The following TMEM132C variants were observed in gnomAD, a reference collection of about 807,000 sequenced individuals.
TMEM132C encodes the protein protein phosphatase 1, regulatory subunit 152.
TMEM132C carries 29 observed loss-of-function variants against 61.4 expected under a neutral mutation model. That is an observed-to-expected ratio of 0.47 (90% CI 0.35 to 0.64). The LOEUF (loss-of-function observed/expected upper bound fraction) is 0.64. TMEM132C is among the 30% of genes least tolerant of loss of function. TMEM132C has a pLI of 0.00. For missense variants in TMEM132C, 1,408 were observed against 1,476.9 expected, an observed-to-expected ratio of 0.95 and a Z score of 0.76; for synonymous variants, 656 against 633.1, an observed-to-expected ratio of 1.04 and a Z score of -0.54.
chr12:128,327,683 G>T (rs982943323), intron 1 of TMEM132C, among the ~76,000 whole-genome samples: 2 of 152,094 alleles, frequency 1.3e-5, no homozygotes, highest in African/African-American at 4.8e-5. Flanking sequence ...GCGCCCGGCT[G>T]CAGCTTGGTT....
At chr12:128,494,292 G>A (rs1341562060) in intron 2 of TMEM132C, among the ~76,000 whole-genome samples, 1 of 152,168 alleles carries the variant, frequency 6.6e-6, no homozygotes, top group African/African-American at 2.4e-5. Flanking sequence ...GTTCATCAGG[G>A]ATATTGGTCT....
chr12:128,621,139 GC>G (rs1482324164), intron 4 of TMEM132C, among the ~76,000 whole-genome samples: 1 of 152,030 alleles, frequency 6.6e-6, no homozygotes, highest in East Asian at 2.0e-4. Context: ...GTGAACTACA[GC>G]CCCCAGGCTC....
At position 128,374,480 on chromosome 12, in the gene TMEM132C, A is replaced by G. The variant is rs1011819245; in HGVS notation, c.86-40252A>G. On this transcript the variant is annotated intron_variant, in intron 1 of 8. Transcript: ENST00000435159. ...TGAGCACTCTGCAGAGGGGTGTGGG[A>G]AGGAGAGCCAGCACCTGCCATTTGC... Among the ~76,000 whole-genome samples the G allele has an allele frequency of 2.6e-5, 4 of 152,206 alleles. No individual in the cohort carries two copies. The South Asian group carries it at 8.3e-4, about 32-fold the overall frequency.
At chr12:128,662,207 G>T (rs1468537813) in intron 4 of TMEM132C, among the ~76,000 whole-genome samples, 1 of 152,114 alleles carries the variant, frequency 6.6e-6, no homozygotes, top group African/African-American at 2.4e-5. Context: ...CCCCTGCACA[G>T]CCCCAATTTT....
intron 1 of TMEM132C, among the ~76,000 whole-genome samples, chr12:128,358,009 A>C (rs1378508120): frequency 6.6e-6 from 1 of 152,060 alleles, no homozygotes; most frequent in Non-Finnish European, 1.5e-5. Flanking sequence ...TTGTGTCGGC[A>C]TCATTGTTCC....
intron 2 of TMEM132C, among the ~76,000 whole-genome samples, chr12:128,543,561 C>A (rs993799148): frequency 2.4e-4 from 37 of 152,112 alleles, no homozygotes; most frequent in African/African-American, 7.7e-4. Context: ...ACAACACCCC[C>A]CACACACACA....
intron 1 of TMEM132C, among the ~76,000 whole-genome samples, chr12:128,398,435 C>A (rs552242293): frequency 6.6e-6 from 1 of 152,178 alleles, no homozygotes; most frequent in Admixed American, 6.5e-5. Flanking sequence ...AAGGGTGAAC[C>A]TTTGTAGTTC....
intron 1 of TMEM132C, among the ~76,000 whole-genome samples, chr12:128,293,082 G>T (rs997253006): frequency 2.0e-5 from 3 of 151,930 alleles, no homozygotes; most frequent in Admixed American, 6.6e-5. Flanking sequence ...TTTTGTGAAC[G>T]GTAAGGAGTG....
chr12:128,379,939 C>T (rs1189597957), intron 1 of TMEM132C, among the ~76,000 whole-genome samples: 3 of 152,122 alleles, frequency 2.0e-5, no homozygotes, highest in Non-Finnish European at 4.4e-5. Flanking sequence ...GGGGATAGTC[C>T]GTGAGTATGG....
intron 3 of TMEM132C, 29 bp from the exon 4 acceptor site, chr12:128,616,123 T>C: frequency 6.5e-7 from 1 of 1,546,498 alleles, no homozygotes; most frequent in Non-Finnish European, 8.7e-7. Context: ...CAAAGTTGGC[T>C]TAAAGCCAGT....
chr12:128,304,480 G>A (rs911148631), intron 1 of TMEM132C, among the ~76,000 whole-genome samples: 1 of 152,034 alleles, frequency 6.6e-6, no homozygotes, highest in African/African-American at 2.4e-5. Flanking sequence ...ATGGTGGCGG[G>A]CACCTGTAAT....
At chr12:128,490,067 T>A (rs532440329) in intron 2 of TMEM132C, among the ~76,000 whole-genome samples, 1 of 152,246 alleles carries the variant, frequency 6.6e-6, no homozygotes, top group Admixed American at 6.5e-5. Flanking sequence ...CCAACTGAAT[T>A]CCAATTGAAG....
intron 3 of TMEM132C, among the ~76,000 whole-genome samples, chr12:128,555,987 G>T (rs1408470451): frequency 1.3e-5 from 2 of 152,194 alleles, no homozygotes; most frequent in African/African-American, 4.8e-5. Context: ...AAAGTGCTGA[G>T]GTTACAGGCC....
At chr12:128,671,591 C>A (rs73430711) in intron 5 of TMEM132C, among the ~76,000 whole-genome samples, 4,034 of 152,230 alleles carry the variant, frequency 0.026, 189 homozygotes, top group African/African-American at 0.091. Context: ...AGTTTACAAA[C>A]TGTTGAGGTG....
chr12:128,431,304 G>A (rs1334505588), intron 2 of TMEM132C, among the ~76,000 whole-genome samples: 2 of 152,178 alleles, frequency 1.3e-5, no homozygotes, highest in African/African-American at 2.4e-5. Flanking sequence ...GGCTGAGGGA[G>A]GTGAGGAAGC....
intron 3 of TMEM132C, among the ~76,000 whole-genome samples, chr12:128,579,360 A>C (rs1875246164): frequency 6.6e-6 from 1 of 152,204 alleles, no homozygotes; most frequent in African/African-American, 2.4e-5. Flanking sequence ...ATCAGTTGTC[A>C]TGTCAACATA....
Position 128,495,409 on chromosome 12 carries a change from T to C in TMEM132C, c.975-48548T>C, listed in dbSNP as rs370940100. 2.8e-4 allele frequency among the ~76,000 whole-genome samples: 42 copies of C among 152,234 alleles called. No homozygotes were observed. The East Asian group carries it at 7.4e-3, about 27-fold the overall frequency. Reference sequence around the variant, plus strand: ...ATATCCTTGTTAACTTTCTGTCTCATTGATCTGTCTAATGTTGACAGTGGG... The same window carrying C: ...ATATCCTTGTTAACTTTCTGTCTCACTGATCTGTCTAATGTTGACAGTGGG... On this transcript the variant is annotated intron_variant, in intron 2 of 8. Coordinates refer to ENST00000435159, the MANE Select transcript of TMEM132C (RefSeq NM_001136103.3).
intron 1 of TMEM132C, among the ~76,000 whole-genome samples, chr12:128,338,732 T>A (rs1392342958): frequency 7.1e-6 from 1 of 141,412 alleles, no homozygotes; most frequent in Non-Finnish European, 1.5e-5. Flanking sequence ...GATCCTGGGC[T>A]CCTTTCTTGT....
intron 3 of TMEM132C, among the ~76,000 whole-genome samples, chr12:128,612,336 C>A (rs1000554736): frequency 2.0e-5 from 3 of 152,204 alleles, no homozygotes; most frequent in Non-Finnish European, 4.4e-5. Flanking sequence ...CCTGATGTCA[C>A]CCTGACCTAG....
Sources: gnomAD v4.1 joint callset for allele counts (sites outside exome capture counted in the v4.1 genomes callset) on GRCh38, gnomAD v4.1.1 for gene constraint, MANE v1.5 for transcripts, NCBI Gene and HGNC (gene_info 2026-07-23, HGNC 2026-07-21) for gene names.